NEGR1: variants seen among roughly 807,000 people sequenced by gnomAD.
NEGR1 encodes the protein IgLON family member 4.
A neutral mutation model predicts 40.9 loss-of-function variants in NEGR1; 10 were observed. That is an observed-to-expected ratio of 0.24 (90% CI 0.15 to 0.42). The LOEUF is 0.42. Among genes scored for constraint, NEGR1 ranks in the 10% least tolerant of loss-of-function variants. The probability of loss-of-function intolerance (pLI) is 1.00; values close to 1 mark genes in which losing one functional copy is unlikely to be tolerated. For synonymous variants in NEGR1, 185 were observed against 166.8 expected, an observed-to-expected ratio of 1.11 and a Z score of -0.84; for missense variants, 352 against 438.9, an observed-to-expected ratio of 0.80 and a Z score of 1.77.
intron 1 of NEGR1, among the ~76,000 whole-genome samples, chr1:71,972,530 T>G (rs1340347196): frequency 1.3e-5 from 2 of 152,238 alleles, no homozygotes; most frequent in African/African-American, 2.4e-5. Context: ...CTGTGTTTTT[T>G]ATTCCCTTTT....
chr1:72,161,562 G>C (rs2100375217), intron 1 of NEGR1, among the ~76,000 whole-genome samples: 1 of 151,970 alleles, frequency 6.6e-6, no homozygotes, highest in South Asian at 2.1e-4. Flanking sequence ...AAAATATCAA[G>C]AGGACAAATG....
chr1:71,686,988 T>C, intron 4 of NEGR1, among the ~76,000 whole-genome samples: 1 of 152,186 alleles, frequency 6.6e-6, no homozygotes, highest in East Asian at 1.9e-4. Flanking sequence ...CTCCATCCTA[T>C]TATGTAAATG....
At chr1:71,792,380 T>C (rs955484290) in intron 2 of NEGR1, among the ~76,000 whole-genome samples, 2 of 152,164 alleles carry the variant, frequency 1.3e-5, no homozygotes, top group Non-Finnish European at 2.9e-5. Flanking sequence ...TTAGTATAAA[T>C]AGATGGAAAT....
chr1:71,567,193 TTG>T (rs556149781), intron 6 of NEGR1, among the ~76,000 whole-genome samples: 3,813 of 152,108 alleles, frequency 0.025, 65 homozygotes, highest in Middle Eastern at 0.054. Flanking sequence ...TTTCTTTTTG[TTG>T]TGTGTGTGTG....
intron 6 of NEGR1, among the ~76,000 whole-genome samples, chr1:71,499,253 A>G (rs1646984076): frequency 6.6e-6 from 1 of 151,862 alleles, no homozygotes; most frequent in South Asian, 2.1e-4. Context: ...TATTTCTTAC[A>G]TTCTGAAATT....
chr1:71,669,055 T>A (rs566463782), intron 4 of NEGR1, among the ~76,000 whole-genome samples: 23 of 152,324 alleles, frequency 1.5e-4, no homozygotes, highest in Non-Finnish European at 3.2e-4. Context: ...CTTTATATAT[T>A]GCAATGTTGT....
Position 71,484,443 on chromosome 1 carries a change from G to A in NEGR1, c.941-76873C>T, listed in dbSNP as rs202104284. ...AAATAGTGATCATTTGCATTTAGTT[G>A]GCAGTACAAATTTATCTTTCTGTAT... On this transcript the variant is annotated intron_variant, in intron 6 of 6. Coordinates refer to ENST00000357731, the MANE Select transcript of NEGR1 (RefSeq NM_173808.3). Among the ~76,000 whole-genome samples the A allele has an allele frequency of 2.6e-5, 4 of 151,478 alleles. No homozygotes were observed. The East Asian group carries it at 7.8e-4, about 29-fold the overall frequency.
intron 2 of NEGR1, among the ~76,000 whole-genome samples, chr1:71,821,416 C>G (rs972584641): frequency 6.6e-6 from 1 of 151,922 alleles, no homozygotes; most frequent in Admixed American, 6.6e-5. Flanking sequence ...TTTTGTACCT[C>G]CTAACACAAA....
intron 2 of NEGR1, among the ~76,000 whole-genome samples, chr1:71,915,923 A>G (rs1350983522): frequency 6.6e-6 from 1 of 152,218 alleles, no homozygotes; most frequent in Non-Finnish European, 1.5e-5. Context: ...CGCCAAAAGG[A>G]TGTTCAGAGA....
At chr1:71,825,535 G>A (rs527397040) in intron 2 of NEGR1, among the ~76,000 whole-genome samples, 1 of 151,886 alleles carries the variant, frequency 6.6e-6, no homozygotes, top group South Asian at 2.1e-4. Flanking sequence ...TAGCATAAAA[G>A]GGCAATATAA....
chr1:71,868,345 C>T (rs1196104635), intron 2 of NEGR1, among the ~76,000 whole-genome samples: 1 of 152,078 alleles, frequency 6.6e-6, no homozygotes, highest in Admixed American at 6.6e-5. Context: ...ATTCCAATGT[C>T]TTCTAACACA....
chr1:71,508,415 ATGGGC>A (rs1424487820), intron 6 of NEGR1, among the ~76,000 whole-genome samples: 1 of 152,208 alleles, frequency 6.6e-6, no homozygotes, highest in Admixed American at 6.5e-5. Flanking sequence ...CAAAGAAAAC[ATGGGC>A]TGGCCCCATT....
At chr1:71,461,391 T>A (rs1170032587) in intron 6 of NEGR1, among the ~76,000 whole-genome samples, 2 of 152,204 alleles carry the variant, frequency 1.3e-5, no homozygotes, top group East Asian at 3.8e-4. Context: ...CTGAATTTGG[T>A]CATGATTGCC....
chr1:71,795,522 T>C (rs1320072164), intron 2 of NEGR1, among the ~76,000 whole-genome samples: 3 of 152,110 alleles, frequency 2.0e-5, no homozygotes, highest in Non-Finnish European at 2.9e-5. Context: ...AAATGATCCA[T>C]TTCATTGTTT....
In NEGR1 at chr1:71,396,434, C is replaced by T. The variant is rs1569821976; in HGVS notation, c.*11012G>A. 3 of 152,324 alleles carry T rather than the reference C, an allele frequency of 2.0e-5. No homozygotes were observed. The highest frequency in any genetic ancestry group is 6.8e-3 in the Middle Eastern group (2 of 294). 9.4% of individuals were successfully genotyped at this position (152,324 alleles called of 1,614,324 possible). On this transcript the variant is annotated 3_prime_UTR_variant, in exon 7 of 7. Coordinates refer to ENST00000357731, the MANE Select transcript of NEGR1 (RefSeq NM_173808.3). ...TTATCTGAGAAACGTTAAGGTCAAC[C>T]ACTTTTCAGTGTAAATTAAATCTGA...
chr1:71,488,794 C>G (rs1309306120), intron 6 of NEGR1, among the ~76,000 whole-genome samples: 8 of 151,620 alleles, frequency 5.3e-5, no homozygotes, highest in Non-Finnish European at 1.0e-4. Flanking sequence ...CCTGCAACTA[C>G]TAATGCAAGC....
intron 1 of NEGR1, among the ~76,000 whole-genome samples, chr1:72,200,668 G>A (rs190318192): frequency 4.0e-4 from 61 of 151,896 alleles, no homozygotes; most frequent in Non-Finnish European, 6.9e-4. Context: ...AAAGAAAAGT[G>A]TCTAAATATG....
chr1:72,170,480 T>C (rs1255125401), intron 1 of NEGR1, among the ~76,000 whole-genome samples: 2 of 152,170 alleles, frequency 1.3e-5, no homozygotes, highest in Non-Finnish European at 1.5e-5. Context: ...TGGCACATGA[T>C]AGGTATTCAA....
intron 2 of NEGR1, among the ~76,000 whole-genome samples, chr1:71,793,226 G>A (rs1431882110): frequency 0.017 from 35 of 2,100 alleles, no homozygotes; most frequent in Middle Eastern, 0.5. Flanking sequence ...TGTCGCCCAG[G>A]CTGGAGTGCA....
Sources: gnomAD v4.1 joint callset for allele counts (sites outside exome capture counted in the v4.1 genomes callset) on GRCh38, gnomAD v4.1.1 for gene constraint, MANE v1.5 for transcripts, NCBI Gene and HGNC (gene_info 2026-07-23, HGNC 2026-07-21) for gene names.